Variants in COL18A1 observed in about 807,000 individuals in gnomAD.
COL18A1 encodes collagen alpha-1(XVIII) chain.
COL18A1 carries 133 observed loss-of-function variants against 168.0 expected under a neutral mutation model. That is an observed-to-expected ratio of 0.79 (90% confidence interval 0.69 to 0.91). The LOEUF is 0.91. Among genes scored for constraint, COL18A1 ranks in the 40% least tolerant of loss-of-function variants. The pLI is 0.00. For synonymous variants in COL18A1, 949 were observed against 809.0 expected (o/e 1.17, Z -2.94); for missense variants, 2,126 against 1,925.4 (o/e 1.10, Z -1.95).
intron 2 of COL18A1, chr21:45,408,530 A>G (rs901784484): frequency 1.3e-5 from 2 of 152,216 alleles, no homozygotes; most frequent in African/African-American, 4.8e-5. Flanking sequence ...GGTATGATCA[A>G]CAGCACCACC....
At chr21:45,428,933 T>C (rs2033881708) in intron 2 of COL18A1, among the ~76,000 whole-genome samples, 1 of 151,876 alleles carries the variant, frequency 6.6e-6, no homozygotes, top group Admixed American at 6.6e-5. Flanking sequence ...AGACGGAGTC[T>C]TGCTCTGTTT....
chr21:45,467,309 C>T (rs887673785), intron 2 of COL18A1: 9 of 985,312 alleles, frequency 9.1e-6, no homozygotes, highest in East Asian at 1.1e-4. Flanking sequence ...GCTACTGAGT[C>T]GAAGTGAAGT....
chr21:45,504,198 G>T lies in COL18A1; in HGVS notation c.2727+144G>T. 9.7e-7 allele frequency: 1 copy of T among 1,025,904 alleles called. No individual in the cohort carries two copies. Among genetic ancestry groups the T allele is most frequent in the Non-Finnish European group, 1.5e-6 (1 of 665,620 alleles). 63.6% of individuals were successfully genotyped at this position (1,025,904 alleles called of 1,614,324 possible). ...GGCGCTGGCTCCAGAGGGTGTCGAG[G>T]GCGTCCCTCAGGATGTTCCTGTCCC... On this transcript the variant is annotated intron_variant, in intron 33 of 41. Coordinates refer to ENST00000651438, the MANE Select transcript of COL18A1 (RefSeq NM_001379500.1).
At chr21:45,467,226 C>T in intron 2 of COL18A1, 2 of 985,366 alleles carry the variant, frequency 2.0e-6, no homozygotes, top group Non-Finnish European at 1.2e-6. Context: ...GGTGTGAGAA[C>T]TCTGGGCACC....
intron 8 of COL18A1, 96 bp from the exon 9 acceptor site, chr21:45,478,231 G>A: frequency 1.1e-5 from 17 of 1,537,292 alleles, no homozygotes; most frequent in Non-Finnish European, 1.4e-5. Flanking sequence ...GCCGCCTCGT[G>A]GGGACTTGGA....
At chr21:45,496,019 CACAT>C (rs766588767) in intron 29 of COL18A1, 212 of 356,006 alleles carry the variant, frequency 6.0e-4, no homozygotes, top group Admixed American at 9.8e-4. Flanking sequence ...CCCATATACA[CACAT>C]ACAACAGGCC....
chr21:45,479,815 C>T (rs2035829603), intron 9 of COL18A1, 87 bp from the exon 10 acceptor site: 1 of 1,578,652 alleles, frequency 6.3e-7, no homozygotes. Flanking sequence ...CCCGTCCGTC[C>T]CCTGCTTGGG....
chr21:45,456,726 G>T, intron 2 of COL18A1: 1 of 1,533,406 alleles, frequency 6.5e-7, no homozygotes, highest in East Asian at 2.5e-5. Flanking sequence ...CCATGCGGCA[G>T]CGTCCCGCCG....
chr21:45,476,493 C>T lies in COL18A1; in HGVS notation c.928+13C>T, dbSNP rs767207437. 7.5e-6 allele frequency: 12 copies of T among 1,589,632 alleles called. No individual in the cohort carries two copies. The highest frequency in any genetic ancestry group is 1.7e-4 in the Middle Eastern group (1 of 6,052). ...GCTTCGTTAGGAGGTAAGCTCTTTT[C>T]TGGATGTGGTGTGTGTGTGGTGTGG... On this transcript the variant is annotated intron_variant, in intron 6 of 41. Transcript: ENST00000651438.
At chr21:45,494,160 C>T (rs1056277879) in intron 26 of COL18A1, 7 of 408,648 alleles carry the variant, frequency 1.7e-5, no homozygotes. Flanking sequence ...CACAGGATCC[C>T]CAGGCCCAGT....
intron 13 of COL18A1, 131 bp downstream of exon 13, chr21:45,480,989 G>A (rs928595216): frequency 7.4e-7 from 1 of 1,360,062 alleles, no homozygotes. Context: ...TCTCCTCTAG[G>A]AGCTGGCGGG....
At chr21:45,408,344 CAA>C (rs1402580132) in intron 2 of COL18A1, 1 of 152,308 alleles carries the variant, frequency 6.6e-6, no homozygotes, top group Non-Finnish European at 1.5e-5. Context: ...CACACACACA[CAA>C]AAGTGCACAT....
intron 4 of COL18A1, among the ~76,000 whole-genome samples, chr21:45,475,103 C>T (rs1049166036): frequency 6.6e-6 from 1 of 152,202 alleles, no homozygotes; most frequent in Non-Finnish European, 1.5e-5. Flanking sequence ...TCGGCCCAGC[C>T]GGGCGTGCGC....
intron 2 of COL18A1, among the ~76,000 whole-genome samples, chr21:45,413,558 G>A (rs1196174275): frequency 6.6e-6 from 1 of 152,194 alleles, no homozygotes; most frequent in Non-Finnish European, 1.5e-5. Context: ...GGAGGCGTCT[G>A]TGCTTTGTAA....
chr21:45,406,431 A>G (rs1309629331), intron 2 of COL18A1, among the ~76,000 whole-genome samples: 1 of 152,248 alleles, frequency 6.6e-6, no homozygotes, highest in East Asian at 1.9e-4. Context: ...CTTAGTCACC[A>G]GGTTAAATAG....
intron 19 of COL18A1, 28 bp downstream of exon 19, chr21:45,489,549 G>A (rs539579463): frequency 2.3e-5 from 35 of 1,546,946 alleles, no homozygotes; most frequent in South Asian, 2.0e-4. Context: ...GTTCAGGGAC[G>A]TGGCCAGGCA....
At chr21:45,507,664 T>C (rs371583084) in intron 38 of COL18A1, 71 bp downstream of exon 38, 1 of 1,433,444 alleles carries the variant, frequency 7.0e-7, no homozygotes, top group African/African-American at 1.4e-5. Flanking sequence ...GTCCCCTGTT[T>C]GAGGAACAAC....
chr21:45,439,324 T>C (rs1602387727), intron 2 of COL18A1, among the ~76,000 whole-genome samples: 1 of 152,158 alleles, frequency 6.6e-6, no homozygotes, highest in Admixed American at 6.5e-5. Context: ...CCGTTTCGGC[T>C]CCTCTGGTGC....
chr21:45,499,568 C>T (rs867979769), intron 32 of COL18A1, among the ~76,000 whole-genome samples: 86 of 149,450 alleles, frequency 5.8e-4, no homozygotes, highest in Admixed American at 3.7e-3. Flanking sequence ...CGGGAACCCG[C>T]GTGGGCTGCC....
Sources: allele counts gnomAD v4.1 joint callset (sites outside exome capture counted in the v4.1 genomes callset), GRCh38; gene constraint gnomAD v4.1.1; transcripts MANE v1.5; gene names NCBI Gene and HGNC (gene_info 2026-07-23, HGNC 2026-07-21).